The following RNF150 variants were observed in gnomAD, a reference collection of about 807,000 sequenced individuals.
The protein encoded by RNF150 is ring finger protein 150.
In RNF150, 24 loss-of-function variants were observed where a neutral mutation model predicts 39.3. The ratio of observed to expected loss-of-function variants is 0.61; its 90% CI spans 0.44 to 0.86. The LOEUF (loss-of-function observed/expected upper bound fraction) is 0.86, where lower values mean the gene tolerates loss of function less well. RNF150 is among the 40% of genes least tolerant of loss of function. The probability of loss-of-function intolerance (pLI) is 0.00; values close to 1 mark genes in which losing one functional copy is unlikely to be tolerated. For synonymous variants in RNF150, 255 were observed against 227.3 expected, an observed-to-expected ratio of 1.12 and a Z score of -1.10; for missense variants, 502 against 587.8, an observed-to-expected ratio of 0.85 and a Z score of 1.51.
intron 2 of RNF150, among the ~76,000 whole-genome samples, chr4:140,957,294 GA>G (rs1209609204): frequency 3.3e-5 from 5 of 149,596 alleles, no homozygotes; most frequent in South Asian, 4.3e-4. Context: ...AAAAACACAT[GA>G]AAAAATGCTC....
intron 1 of RNF150, among the ~76,000 whole-genome samples, chr4:141,059,311 TACAC>T (rs1396517599): frequency 6.6e-6 from 1 of 152,148 alleles, no homozygotes; most frequent in African/African-American, 2.4e-5. Flanking sequence ...CTTTTCCAGA[TACAC>T]ATTCCAATGA....
At chr4:140,948,266 C>T (rs1368330365) in intron 3 of RNF150, among the ~76,000 whole-genome samples, 1 of 151,960 alleles carries the variant, frequency 6.6e-6, no homozygotes, top group Non-Finnish European at 1.5e-5. Context: ...TTAGTAATAC[C>T]TTTAAATAAA....
intron 1 of RNF150, among the ~76,000 whole-genome samples, chr4:141,163,522 GCAGGGGTTGACAGA>G (rs914783684): frequency 2.0e-5 from 3 of 152,220 alleles, no homozygotes; most frequent in Non-Finnish European, 4.4e-5. Context: ...ATACCTACCA[GCAGGGGTTGACAGA>G]CACTTCATAC....
At chr4:141,048,871 G>A (rs1191087116) in intron 1 of RNF150, among the ~76,000 whole-genome samples, 1 of 152,184 alleles carries the variant, frequency 6.6e-6, no homozygotes, top group Non-Finnish European at 1.5e-5. Context: ...AGCTACTTAG[G>A]TATACCAAGA....
chr4:141,208,208 C>G (rs550994677), intron 1 of RNF150, among the ~76,000 whole-genome samples: 53 of 152,328 alleles, frequency 3.5e-4, no homozygotes, highest in Middle Eastern at 6.8e-3. Flanking sequence ...CATGTGACTG[C>G]CTCTCACTGG....
At chr4:141,108,287 C>G (rs1377163346) in intron 1 of RNF150, among the ~76,000 whole-genome samples, 1 of 152,194 alleles carries the variant, frequency 6.6e-6, no homozygotes, top group South Asian at 2.1e-4. Context: ...GCAGTTAGGA[C>G]CAGCACTGTT....
At chr4:141,171,686 C>T (rs1372544686) in intron 1 of RNF150, among the ~76,000 whole-genome samples, 2 of 152,216 alleles carry the variant, frequency 1.3e-5, no homozygotes, top group East Asian at 3.9e-4. Flanking sequence ...CCAAATTATA[C>T]ACAATTTGTA....
chr4:141,072,391 G>C (rs1418739339), intron 1 of RNF150, among the ~76,000 whole-genome samples: 2 of 152,172 alleles, frequency 1.3e-5, no homozygotes, highest in Non-Finnish European at 2.9e-5. Flanking sequence ...GAGACGTACA[G>C]AGTACAGAAT....
At chr4:140,961,093 A>T (rs1467445568) in intron 2 of RNF150, among the ~76,000 whole-genome samples, 1 of 152,142 alleles carries the variant, frequency 6.6e-6, no homozygotes, top group Non-Finnish European at 1.5e-5. Flanking sequence ...ATTACCCTCT[A>T]CCAGATTTAA....
At chr4:140,962,428 T>C (rs1386728245) in intron 2 of RNF150, among the ~76,000 whole-genome samples, 1 of 151,636 alleles carries the variant, frequency 6.6e-6, no homozygotes, top group Non-Finnish European at 1.5e-5. Context: ...TATATATATT[T>C]CTTCATATGT....
chr4:140,930,360 A>G (rs1040068823), intron 4 of RNF150, among the ~76,000 whole-genome samples: 4 of 152,132 alleles, frequency 2.6e-5, no homozygotes, highest in African/African-American at 4.8e-5. Context: ...CCATTTCTAT[A>G]TATCTCCTGC....
chr4:141,198,550 A>T (rs1249802499), intron 1 of RNF150, among the ~76,000 whole-genome samples: 1 of 152,242 alleles, frequency 6.6e-6, no homozygotes, highest in East Asian at 1.9e-4. Flanking sequence ...GAGCTTGAGA[A>T]AGTTGAATAA....
At chr4:141,098,038 A>T (rs1738866180) in intron 1 of RNF150, among the ~76,000 whole-genome samples, 2 of 152,168 alleles carry the variant, frequency 1.3e-5, no homozygotes, top group Non-Finnish European at 2.9e-5. Flanking sequence ...ATACACATAT[A>T]AATATGTCAC....
At chr4:140,900,725 C>T (rs577099382) in intron 6 of RNF150, among the ~76,000 whole-genome samples, 20 of 152,156 alleles carry the variant, frequency 1.3e-4, no homozygotes, top group African/African-American at 4.3e-4. Context: ...CATGATGTGT[C>T]TGACCAATAT....
intron 1 of RNF150, among the ~76,000 whole-genome samples, chr4:141,044,869 T>G (rs1489052946): frequency 6.6e-6 from 1 of 152,216 alleles, no homozygotes; most frequent in Non-Finnish European, 1.5e-5. Context: ...GGAGCATCAG[T>G]TGATCTCAAC....
intron 1 of RNF150, among the ~76,000 whole-genome samples, chr4:140,969,877 C>T (rs934332529): frequency 3.3e-5 from 5 of 149,600 alleles, no homozygotes; most frequent in Non-Finnish European, 7.4e-5. Context: ...TTTTTAGAGG[C>T]CTCAGCCTCC....
chr4:141,042,552 A>G (rs552455941), intron 1 of RNF150, among the ~76,000 whole-genome samples: 1 of 152,086 alleles, frequency 6.6e-6, no homozygotes, highest in Non-Finnish European at 1.5e-5. Context: ...ACTGTAATCC[A>G]TAATTTTTCA....
At chr4:140,918,721 A>G (rs959875752) in intron 5 of RNF150, among the ~76,000 whole-genome samples, 1 of 103,238 alleles carries the variant, frequency 9.7e-6, no homozygotes, top group Non-Finnish European at 2.1e-5. Flanking sequence ...AGCCTGGCAG[A>G]CACACAACCA....
At chr4:140,959,290 G>A (rs1051083399) in intron 2 of RNF150, among the ~76,000 whole-genome samples, 1 of 152,150 alleles carries the variant, frequency 6.6e-6, no homozygotes, top group Non-Finnish European at 1.5e-5. Flanking sequence ...GCCTGGGGGT[G>A]TGACATTTAT....
Sources: gnomAD v4.1 joint callset for allele counts (sites outside exome capture counted in the v4.1 genomes callset) on GRCh38, gnomAD v4.1.1 for gene constraint, MANE v1.5 for transcripts, NCBI Gene and HGNC (gene_info 2026-07-23, HGNC 2026-07-21) for gene names.